Variants in HERC4 observed in about 807,000 individuals in gnomAD.
HERC4 encodes the protein HECT and RLD domain containing E3 ubiquitin protein ligase 4, also known as probable E3 ubiquitin-protein ligase HERC4.
Under a neutral mutation model 124.3 loss-of-function variants are expected in HERC4, and 28 were observed. That is an observed-to-expected ratio of 0.23 (90% CI 0.17 to 0.31). HERC4 has a LOEUF of 0.31. Ranked by LOEUF, HERC4 falls within the 10% of genes least tolerant of loss-of-function variation. The probability of loss-of-function intolerance (pLI) is 1.00; values close to 1 mark genes in which losing one functional copy is unlikely to be tolerated. For synonymous variants in HERC4, 407 were observed against 421.5 expected (o/e 0.97, Z 0.42); for missense variants, 713 against 1,229.3 (o/e 0.58, Z 6.28).
At chr10:67,931,281 G>A (rs1354921395) in intron 23 of HERC4, among the ~76,000 whole-genome samples, 1 of 152,022 alleles carries the variant, frequency 6.6e-6, no homozygotes, top group African/African-American at 2.4e-5. Context: ...ACCACACAGG[G>A]CCAGCACTTT....
rs1314667074 is a variant in HERC4 at position 67,954,672 on chromosome 10, T to A, written c.2260A>T (p.Met754Leu). The A allele has an allele frequency of 6.2e-7, 1 of 1,613,810 alleles. No homozygotes were observed. Among genetic ancestry groups the A allele is most frequent in the East Asian group, 2.2e-5 (1 of 44,850 alleles). The change falls in exon 19 of 25, where the codon ATG (methionine) becomes TTG (leucine). Residue 754 changes from methionine to leucine, a missense_variant. By Grantham distance (15) the Met-to-Leu change is conservative. Transcript: ENST00000373700. Reference protein sequence around the residue: ...GVRKEFFLLIMRELLDPKYGM... With the variant: ...GVRKEFFLLILRELLDPKYGM... The stretch of plus-strand genomic sequence containing the variant: ...TATTTAGGATCCAATAATTCCCTCA[T>A]GATGAGCAAGAAAAATTCTTTGCGC...
chr10:68,021,033 G>A (rs972575981), intron 8 of HERC4, among the ~76,000 whole-genome samples: 1 of 133,200 alleles, frequency 7.5e-6, no homozygotes, highest in African/African-American at 3.1e-5. Context: ...ACTATTTGAA[G>A]AAGTAATAGC....
At chr10:67,983,295 A>G (rs1184292815) in intron 15 of HERC4, among the ~76,000 whole-genome samples, 1 of 152,188 alleles carries the variant, frequency 6.6e-6, no homozygotes, top group Non-Finnish European at 1.5e-5. Context: ...TACAACCATT[A>G]TGGAGAACAA....
chr10:68,010,970 T>C, intron 9 of HERC4: 1 of 887,002 alleles, frequency 1.1e-6, no homozygotes, highest in Non-Finnish European at 1.8e-6. Context: ...CCACCATATC[T>C]ATAGTTAAGT....
chr10:68,017,784 C>T (rs1026912495), intron 8 of HERC4, among the ~76,000 whole-genome samples: 12 of 152,068 alleles, frequency 7.9e-5, no homozygotes, highest in African/African-American at 2.9e-4. Context: ...CCACCACGCC[C>T]GGCCTATGTC....
At position 67,966,692 on chromosome 10, in the gene HERC4, G is replaced by C; in HGVS notation, c.1917C>G (p.Ala639=). The C allele has an allele frequency of 6.2e-7, 1 of 1,608,256 alleles. No homozygotes were observed. The highest frequency in any genetic ancestry group is 2.2e-5 in the East Asian group (1 of 44,612). ...NDYINWVQQQ[A]YGMLADIPVT... ...TGCACAGAAAACCTACCATTCCATA[G>C]GCCTGCTGTTGGACCCAGTTGATAT... Residue 639 remains alanine (A), a synonymous_variant, in exon 16 of 25, where the codon GCC becomes GCG. Transcript: ENST00000373700.
chr10:68,012,991 C>T (rs2038056367), intron 9 of HERC4, among the ~76,000 whole-genome samples: 1 of 152,142 alleles, frequency 6.6e-6, no homozygotes. Context: ...CAAACCACAT[C>T]CATATAATAA....
At chr10:67,981,306 T>TA (rs2035915426) in intron 15 of HERC4, among the ~76,000 whole-genome samples, 1 of 152,236 alleles carries the variant, frequency 6.6e-6, no homozygotes, top group Admixed American at 6.5e-5. Flanking sequence ...TATATAATGA[T>TA]AAAGTGGTCA....
At chr10:68,036,775 A>C (rs1458550513) in intron 5 of HERC4, among the ~76,000 whole-genome samples, 2 of 152,230 alleles carry the variant, frequency 1.3e-5, no homozygotes, top group African/African-American at 4.8e-5. Context: ...AAAAAAATTA[A>C]TCTTTAATAA....
chr10:68,038,055 T>C (rs748523482), intron 5 of HERC4, 38 bp downstream of exon 5: 21 of 1,160,208 alleles, frequency 1.8e-5, no homozygotes, highest in Non-Finnish European at 2.5e-5. Context: ...TATCAAGTAA[T>C]AAAACTGAAG....
intron 19 of HERC4, chr10:67,954,369 C>T (rs2034005378): frequency 5.7e-6 from 2 of 352,496 alleles, no homozygotes; most frequent in African/African-American, 2.1e-5. Flanking sequence ...TATTTTCTGG[C>T]TAACCATCTC....
chr10:68,018,439 A>G (rs989596590), intron 8 of HERC4, among the ~76,000 whole-genome samples: 2 of 152,224 alleles, frequency 1.3e-5, no homozygotes, highest in Admixed American at 1.3e-4. Flanking sequence ...AAATACTGAA[A>G]GTTTTCCCAC....
rs1409200392 is a variant in HERC4 at position 68,061,609 on chromosome 10, T to C, written c.226+11274A>G. On this transcript the variant is annotated intron_variant, in intron 3 of 24. Transcript: ENST00000373700. ...GAATAAGCAAATGGGCTGGGATCAG[T>C]GGCTCACGCCTGTAATCCTAGCACT... Among the ~76,000 whole-genome samples, 5 of 146,532 alleles carry C rather than the reference T, an allele frequency of 3.4e-5. No individual in the cohort carries two copies. The Admixed American group carries it at 3.4e-4, about 10-fold the overall frequency.
rs560482669 is a variant in HERC4 at position 68,003,759 on chromosome 10, G to C, written c.1069+10267C>G. Among the ~76,000 whole-genome samples, 43 of 152,204 alleles carry C rather than the reference G, an allele frequency of 2.8e-4. 1 individual carries two copies. The highest frequency in any genetic ancestry group is 1.0e-3 in the African/African-American group (42 of 41,518). On this transcript the variant is annotated intron_variant, in intron 9 of 24. Coordinates refer to ENST00000373700, the MANE Select transcript of HERC4 (RefSeq NM_015601.4). ...CACCACATTTTCTTTATCCATGTCT[G>C]TTGATGAACACTTAAATTGATTCCA...
chr10:68,056,381 T>C (rs1327668771), intron 3 of HERC4, among the ~76,000 whole-genome samples: 1 of 152,200 alleles, frequency 6.6e-6, no homozygotes, highest in African/African-American at 2.4e-5. Context: ...GAGTTCCTTC[T>C]ATGTGCACCA....
At chr10:68,069,262 T>A in intron 3 of HERC4, 2 of 953,168 alleles carry the variant, frequency 2.1e-6, no homozygotes, top group Non-Finnish European at 2.5e-6. Context: ...CACTGAAGAT[T>A]AAATATATTT....
intron 9 of HERC4, among the ~76,000 whole-genome samples, chr10:67,997,588 T>C (rs1199240769): frequency 1.3e-5 from 2 of 152,156 alleles, no homozygotes; most frequent in Non-Finnish European, 2.9e-5. Context: ...ATAGATCTGT[T>C]TGAAGCTTTA....
At chr10:67,927,414 A>T (rs1564910982) in intron 23 of HERC4, among the ~76,000 whole-genome samples, 6 of 8,676 alleles carry the variant, frequency 6.9e-4, no homozygotes, top group Non-Finnish European at 8.4e-4. Flanking sequence ...ATATATATAT[A>T]TATATATATA....
At chr10:67,978,938 G>A (rs142640086) in intron 15 of HERC4, among the ~76,000 whole-genome samples, 1 of 152,194 alleles carries the variant, frequency 6.6e-6, no homozygotes, top group Non-Finnish European at 1.5e-5. Flanking sequence ...AACTAAAGCA[G>A]ATACAGCTTC....
Sources: gnomAD v4.1 joint callset for allele counts (sites outside exome capture counted in the v4.1 genomes callset) on GRCh38, gnomAD v4.1.1 for gene constraint, MANE v1.5 for transcripts, NCBI Gene and HGNC (gene_info 2026-07-23, HGNC 2026-07-21) for gene names.